EPHA6: variants seen among roughly 807,000 people sequenced by gnomAD.
EPHA6 encodes ephrin type-A receptor 6.
A neutral mutation model predicts 112.0 loss-of-function variants in EPHA6; 50 were observed. The observed-to-expected ratio is 0.45, with a 90% CI of 0.36 to 0.56. The LOEUF is 0.56. EPHA6 is among the 20% of genes least tolerant of loss of function. The probability of loss-of-function intolerance (pLI) is 0.00; values close to 1 mark genes in which losing one functional copy is unlikely to be tolerated. For synonymous variants in EPHA6, 529 were observed against 490.7 expected, an observed-to-expected ratio of 1.08 and a Z score of -1.03; for missense variants, 1,280 against 1,417.4, an observed-to-expected ratio of 0.90 and a Z score of 1.56.
At chr3:96,843,844 T>G (rs762551349) in intron 1 of EPHA6, among the ~76,000 whole-genome samples, 74 of 152,078 alleles carry the variant, frequency 4.9e-4, no homozygotes, top group Non-Finnish European at 1.8e-4. Flanking sequence ...TAAGAAATAT[T>G]CTTTTTTTAA....
chr3:97,106,447 T>TG (rs773352085), intron 3 of EPHA6, among the ~76,000 whole-genome samples: 1 of 152,102 alleles, frequency 6.6e-6, no homozygotes, highest in Admixed American at 6.6e-5. Flanking sequence ...CAAATATTGG[T>TG]GGGGGTGGTT....
chr3:97,315,032 G>T, intron 5 of EPHA6, among the ~76,000 whole-genome samples: 1 of 150,640 alleles, frequency 6.6e-6, no homozygotes, highest in East Asian at 1.9e-4. Flanking sequence ...AACACTTACT[G>T]TAGTAGAAAT....
At chr3:97,641,959 G>A (rs1464694569) in intron 14 of EPHA6, among the ~76,000 whole-genome samples, 1 of 150,318 alleles carries the variant, frequency 6.7e-6, no homozygotes, top group African/African-American at 2.4e-5. Context: ...AGGCCTGCCT[G>A]CCTCTGTAGG....
intron 11 of EPHA6, among the ~76,000 whole-genome samples, chr3:97,571,028 T>A (rs1050511009): frequency 6.6e-6 from 1 of 152,106 alleles, no homozygotes; most frequent in Non-Finnish European, 1.5e-5. Flanking sequence ...TAGTTCACAT[T>A]AAGAGTCAGG....
chr3:97,556,094 T>G (rs943025157), intron 11 of EPHA6, among the ~76,000 whole-genome samples: 10 of 151,978 alleles, frequency 6.6e-5, no homozygotes, highest in African/African-American at 2.2e-4. Flanking sequence ...TGAAGCCCAC[T>G]GAAATTATTC....
intron 3 of EPHA6, among the ~76,000 whole-genome samples, chr3:97,035,814 T>G (rs1488043294): frequency 1.3e-5 from 2 of 151,998 alleles, no homozygotes; most frequent in Non-Finnish European, 2.9e-5. Flanking sequence ...GTGCTTTCAT[T>G]TAATATTTAT....
chr3:97,418,912 G>T (rs556289755), intron 6 of EPHA6, among the ~76,000 whole-genome samples: 1 of 152,228 alleles, frequency 6.6e-6, no homozygotes, highest in South Asian at 2.1e-4. Flanking sequence ...CATAGAGTGT[G>T]GCATCCAGTA....
chr3:97,651,778 T>G (rs760962438), intron 14 of EPHA6, among the ~76,000 whole-genome samples: 2 of 152,070 alleles, frequency 1.3e-5, no homozygotes, highest in Non-Finnish European at 2.9e-5. Flanking sequence ...AAAATGTCAT[T>G]GGCCCATCTT....
At chr3:97,415,764 C>G (rs183012604) in intron 6 of EPHA6, among the ~76,000 whole-genome samples, 4 of 152,114 alleles carry the variant, frequency 2.6e-5, no homozygotes, top group Non-Finnish European at 5.9e-5. Context: ...TGATCAGTAA[C>G]AAAATATCTG....
intron 14 of EPHA6, among the ~76,000 whole-genome samples, chr3:97,703,202 G>A (rs191450240): frequency 3.0e-4 from 46 of 152,220 alleles, no homozygotes; most frequent in African/African-American, 9.4e-4. Context: ...GCAAAACTGG[G>A]CCAAACGGTT....
At chr3:97,438,107 G>A (rs181475694) in intron 6 of EPHA6, among the ~76,000 whole-genome samples, 1 of 152,212 alleles carries the variant, frequency 6.6e-6, no homozygotes, top group Non-Finnish European at 1.5e-5. Flanking sequence ...TCAGGGCCAA[G>A]TATCAAACTT....
intron 2 of EPHA6, among the ~76,000 whole-genome samples, chr3:96,875,276 G>A (rs1174052873): frequency 6.6e-6 from 1 of 152,004 alleles, no homozygotes; most frequent in Non-Finnish European, 1.5e-5. Flanking sequence ...TCATGCATGG[G>A]TAAATGACCT....
At chr3:97,300,548 A>G (rs2081053015) in intron 5 of EPHA6, among the ~76,000 whole-genome samples, 1 of 152,156 alleles carries the variant, frequency 6.6e-6, no homozygotes, top group South Asian at 2.1e-4. Flanking sequence ...TTGGTAAATT[A>G]TGGACATGTT....
intron 11 of EPHA6, among the ~76,000 whole-genome samples, chr3:97,566,438 C>T (rs965132778): frequency 6.6e-6 from 1 of 152,200 alleles, no homozygotes; most frequent in Non-Finnish European, 1.5e-5. Context: ...AACTGAGACT[C>T]TAAAGAATGT....
intron 3 of EPHA6, among the ~76,000 whole-genome samples, chr3:97,180,993 GAC>G (rs953818929): frequency 1.3e-5 from 2 of 152,030 alleles, no homozygotes; most frequent in African/African-American, 4.8e-5. Flanking sequence ...TTTACTTGGA[GAC>G]ACAGAGTGAT....
chr3:97,620,121 C>T (rs1037473921), intron 13 of EPHA6, among the ~76,000 whole-genome samples: 2 of 152,006 alleles, frequency 1.3e-5, no homozygotes, highest in Non-Finnish European at 1.5e-5. Context: ...TACACACCTA[C>T]AGCTATCTAA....
intron 1 of EPHA6, among the ~76,000 whole-genome samples, chr3:96,819,957 CT>C (rs1457788558): frequency 6.6e-6 from 1 of 152,062 alleles, no homozygotes; most frequent in Non-Finnish European, 1.5e-5. Flanking sequence ...GAGAGATGTG[CT>C]ATTTGAAATG....
chr3:97,188,412 T>C (rs1333308793), intron 3 of EPHA6, among the ~76,000 whole-genome samples: 2 of 152,028 alleles, frequency 1.3e-5, no homozygotes, highest in Non-Finnish European at 1.5e-5. Flanking sequence ...TTTATTTACG[T>C]ATTTCTATAT....
chr3:97,306,831 T>TA (rs1295684327), intron 5 of EPHA6, among the ~76,000 whole-genome samples: 5 of 151,530 alleles, frequency 3.3e-5, no homozygotes, highest in African/African-American at 1.2e-4. Flanking sequence ...ACCAGTTATG[T>TA]AAAAAAAATT....
Sources: allele counts gnomAD v4.1 joint callset (sites outside exome capture counted in the v4.1 genomes callset), GRCh38; gene constraint gnomAD v4.1.1; transcripts MANE v1.5; gene names NCBI Gene and HGNC (gene_info 2026-07-23, HGNC 2026-07-21).